The following SCN8A variants were observed in gnomAD, a reference collection of about 807,000 sequenced individuals.
SCN8A encodes sodium channel protein type 8 subunit alpha.
In SCN8A, 30 loss-of-function variants were observed where a neutral mutation model predicts 184.1. That is an observed-to-expected ratio of 0.16 (90% CI 0.12 to 0.22). The LOEUF (loss-of-function observed/expected upper bound fraction) is 0.22, where lower values mean the gene tolerates loss of function less well. Among genes scored for constraint, SCN8A ranks in the 10% least tolerant of loss-of-function variants. The pLI is 1.00. For synonymous variants in SCN8A, 852 were observed against 907.0 expected (o/e 0.94, Z 1.09); for missense variants, 1,057 against 2,498.9 (o/e 0.42, Z 12.30).
At chr12:51,646,859 G>C (rs1284793336) in intron 1 of SCN8A, among the ~76,000 whole-genome samples, 1 of 152,190 alleles carries the variant, frequency 6.6e-6, no homozygotes, top group Non-Finnish European at 1.5e-5. Flanking sequence ...TGCAGGGCCA[G>C]GGAGATGGAA....
intron 5 of SCN8A, among the ~76,000 whole-genome samples, chr12:51,687,887 G>A (rs1203205396): frequency 6.6e-6 from 1 of 152,206 alleles, no homozygotes; most frequent in Non-Finnish European, 1.5e-5. Context: ...TCCAGGTTGG[G>A]AAAGCGTTTT....
At chr12:51,596,859 C>T (rs542190292) in intron 1 of SCN8A, among the ~76,000 whole-genome samples, 1 of 152,086 alleles carries the variant, frequency 6.6e-6, no homozygotes, top group East Asian at 1.9e-4. Flanking sequence ...AAATCTCTCC[C>T]ATTGCCAACC....
At chr12:51,660,695 G>A (rs1206009394) in intron 1 of SCN8A, among the ~76,000 whole-genome samples, 2 of 152,206 alleles carry the variant, frequency 1.3e-5, no homozygotes, top group African/African-American at 4.8e-5. Context: ...TATCTGTTAA[G>A]TGGTGATAAT....
intron 6 of SCN8A, among the ~76,000 whole-genome samples, chr12:51,690,548 C>T (rs2138719469): frequency 6.6e-6 from 1 of 152,188 alleles, no homozygotes; most frequent in South Asian, 2.1e-4. Context: ...TTTGTAGAGA[C>T]AGGGTCTCCC....
intron 1 of SCN8A, among the ~76,000 whole-genome samples, chr12:51,640,523 C>A (rs115678874): frequency 6.6e-6 from 1 of 152,030 alleles, no homozygotes; most frequent in African/African-American, 2.4e-5. Flanking sequence ...GGTAAGATAG[C>A]ATTCTAATCA....
At chr12:51,664,698 T>C (rs924205668) in intron 2 of SCN8A, among the ~76,000 whole-genome samples, 5 of 152,310 alleles carry the variant, frequency 3.3e-5, no homozygotes, top group African/African-American at 7.2e-5. Flanking sequence ...TCTTTTTGTT[T>C]TATAGTTTTT....
intron 16 of SCN8A, among the ~76,000 whole-genome samples, chr12:51,766,747 G>A (rs936670199): frequency 2.6e-5 from 4 of 152,184 alleles, no homozygotes; most frequent in Non-Finnish European, 5.9e-5. Flanking sequence ...AGGACTAGCA[G>A]CAACAAGATC....
chr12:51,690,121 T>C (rs1347855026), intron 6 of SCN8A: 2 of 152,294 alleles, frequency 1.3e-5, no homozygotes, highest in South Asian at 2.1e-4. Flanking sequence ...TTAGTTAGTA[T>C]TGTGAGCCTA....
At position 51,708,175 on chromosome 12, in the gene SCN8A, A is replaced by G. The variant is rs1489676797; in HGVS notation, c.1635+1460A>G. ...CATCTCTGTTTAAGAATTGCATTTA[A>G]TTATAGGGGATAATAATAATAGGAG... On this transcript the variant is annotated intron_variant, in intron 11 of 26. Coordinates refer to ENST00000627620, the MANE Select transcript of SCN8A (RefSeq NM_001330260.2). Among the ~76,000 whole-genome samples the G allele has an allele frequency of 2.6e-5, 4 of 152,226 alleles. No homozygotes were observed. The East Asian group carries it at 7.7e-4, about 29-fold the overall frequency.
intron 8 of SCN8A, 33 bp from the exon 9 acceptor site, chr12:51,702,740 T>C: frequency 6.6e-7 from 1 of 1,519,460 alleles, no homozygotes; most frequent in Non-Finnish European, 8.8e-7. Flanking sequence ...GGAATTATGT[T>C]GAAAAGTCCT....
chr12:51,633,414 T>G (rs1592342269), intron 1 of SCN8A, among the ~76,000 whole-genome samples: 1 of 152,218 alleles, frequency 6.6e-6, no homozygotes, highest in African/African-American at 2.4e-5. Context: ...GTTTCTTAGT[T>G]TCTGTATGCT....
intron 11 of SCN8A, among the ~76,000 whole-genome samples, chr12:51,708,335 A>G (rs1030426775): frequency 6.6e-6 from 1 of 152,218 alleles, no homozygotes; most frequent in Admixed American, 6.5e-5. Context: ...ATAAATAAGG[A>G]AACTAAGCAA....
chr12:51,782,805 C>T (rs938234343), intron 21 of SCN8A, among the ~76,000 whole-genome samples: 1 of 152,224 alleles, frequency 6.6e-6, no homozygotes, highest in Non-Finnish European at 1.5e-5. Context: ...CCTTTAGCTG[C>T]CCCTTCTTTC....
At chr12:51,706,297 G>T in intron 10 of SCN8A, 125 bp from the exon 11 acceptor site, 1 of 900,488 alleles carries the variant, frequency 1.1e-6, no homozygotes, top group Non-Finnish European at 1.6e-6. Flanking sequence ...TAACAGTCTA[G>T]GTTTCCTGCC....
rs907103332 is a variant in SCN8A at position 51,808,505 on chromosome 12, C to T, written c.*1076C>T. 1 of 152,484 alleles carries T rather than the reference C, an allele frequency of 6.6e-6. No individual in the cohort carries two copies. Among genetic ancestry groups the T allele is most frequent in the Non-Finnish European group, 1.5e-5 (1 of 68,006 alleles). 9.4% of individuals were successfully genotyped at this position (152,484 alleles called of 1,614,324 possible). A position where few individuals can be genotyped will look rare whatever the true frequency, so the allele number is the denominator to read the frequency against. ...TATTTATGTCACTGTAAAACCAAAT[C>T]CTAGGGCTAAAAAAAAAATTCATTT... On this transcript the variant is annotated 3_prime_UTR_variant, in exon 27 of 27. Transcript: ENST00000627620.
Position 51,812,715 on chromosome 12 carries a change from T to C in SCN8A, c.*5286T>C, listed in dbSNP as rs748279489. 1.3e-5 allele frequency: 2 copies of C among 152,286 alleles called. No individual in the cohort carries two copies. Among genetic ancestry groups the C allele is most frequent in the Non-Finnish European group, 2.9e-5 (2 of 68,048 alleles). 9.4% of individuals were successfully genotyped at this position (152,286 alleles called of 1,614,324 possible). ...TCCTCGACTTGTTCCCTGTTCTGTT[T>C]ATGCGGAAATGGCAGAAATGCTTGA... On this transcript the variant is annotated 3_prime_UTR_variant, in exon 27 of 27. Coordinates refer to ENST00000627620, the MANE Select transcript of SCN8A (RefSeq NM_001330260.2).
Position 51,686,391 on chromosome 12 carries a change from G to T in SCN8A, c.419G>T (p.Cys140Phe). 1 of 1,611,480 alleles carries T rather than the reference G, an allele frequency of 6.2e-7. No homozygotes were observed. Among genetic ancestry groups the T allele is most frequent in the South Asian group, 1.1e-5 (1 of 90,944 alleles). Reference sequence around the variant, plus strand: ...ACAGTATTTAGCATGATCATTATGTGCACTATTTTGACCAACTGTGTATTC... The same window carrying T: ...ACAGTATTTAGCATGATCATTATGTTCACTATTTTGACCAACTGTGTATTC... Reference protein sequence around the residue: ...IHSVFSMIIMCTILTNCVFMT... With the variant: ...IHSVFSMIIMFTILTNCVFMT... Residue 140 changes from cysteine (C) to phenylalanine (F), a missense_variant, in exon 4 of 27, where the codon TGC becomes TTC. This residue lies in a region of SCN8A where 66 missense variants were observed against 276.4 expected (regional missense o/e 0.24). Coordinates refer to ENST00000627620, the MANE Select transcript of SCN8A (RefSeq NM_001330260.2).
chr12:51,603,065 C>T (rs369823919), intron 1 of SCN8A, among the ~76,000 whole-genome samples: 4 of 151,432 alleles, frequency 2.6e-5, no homozygotes, highest in African/African-American at 9.7e-5. Flanking sequence ...TCTTGGTGTA[C>T]AGCTCTGAAT....
intron 25 of SCN8A, among the ~76,000 whole-genome samples, chr12:51,791,626 C>T (rs1430555276): frequency 6.6e-6 from 1 of 152,192 alleles, no homozygotes; most frequent in Non-Finnish European, 1.5e-5. Flanking sequence ...CTGTTTAGTA[C>T]TTTCCATATG....
Sources: allele counts gnomAD v4.1 joint callset (sites outside exome capture counted in the v4.1 genomes callset), GRCh38; gene constraint gnomAD v4.1.1; regional missense constraint gnomAD v4.1.1; transcripts MANE v1.5; gene names NCBI Gene and HGNC (gene_info 2026-07-23, HGNC 2026-07-21).